Variants in LPIN1 observed in about 807,000 individuals in gnomAD.
LPIN1 encodes phosphatidate phosphatase LPIN1.
Under a neutral mutation model 107.5 loss-of-function variants are expected in LPIN1, and 71 were observed. The ratio of observed to expected loss-of-function variants is 0.66; its 90% CI spans 0.55 to 0.80. The LOEUF is 0.80. Among genes scored for constraint, LPIN1 ranks in the 30% least tolerant of loss-of-function variants. The pLI, the probability that LPIN1 is intolerant of heterozygous loss-of-function variation, is 0.00. For missense variants in LPIN1, 1,043 were observed against 1,160.6 expected, an observed-to-expected ratio of 0.90 and a Z score of 1.47; for synonymous variants, 445 against 452.6, an observed-to-expected ratio of 0.98 and a Z score of 0.21.
rs1420909432 is a variant in LPIN1 at position 11,747,081 on chromosome 2, G to C, written c.-10+410G>C. On this transcript the variant is annotated intron_variant, in intron 1 of 20. Transcript: ENST00000674199. ...GCGCGATCATCCCCAGCTTTGCGCC[G>C]GGGACTGGGATGAGAGCCTTTCTTT... Among the ~76,000 whole-genome samples, 3 of 152,236 alleles carry C rather than the reference G, an allele frequency of 2.0e-5. No homozygotes were observed. In the East Asian group the frequency reaches 5.8e-4, roughly 29 times the overall value.
At chr2:11,693,846 T>C (rs1171539866) in intron 1 of LPIN1, among the ~76,000 whole-genome samples, 1 of 111,284 alleles carries the variant, frequency 9.0e-6, no homozygotes, top group Non-Finnish European at 1.8e-5. Context: ...TTTTTTTTTT[T>C]TTTTTTGAGA....
At chr2:11,725,449 C>T (rs529716533) in intron 1 of LPIN1, among the ~76,000 whole-genome samples, 235 of 152,298 alleles carry the variant, frequency 1.5e-3, no homozygotes, top group Non-Finnish European at 2.5e-3. Context: ...GGTACCGGAA[C>T]TTCAATTCCT....
intron 14 of LPIN1, among the ~76,000 whole-genome samples, chr2:11,801,369 G>C (rs553668328): frequency 6.6e-6 from 1 of 152,160 alleles, no homozygotes; most frequent in Admixed American, 6.5e-5. Context: ...GTCCATCAAT[G>C]GATAAATGAA....
At chr2:11,772,715 T>C (rs1440865495) in intron 4 of LPIN1, among the ~76,000 whole-genome samples, 8 of 152,336 alleles carry the variant, frequency 5.3e-5, no homozygotes, top group Admixed American at 4.6e-4. Flanking sequence ...TGGTGAAAAA[T>C]GCCAGTTTTA....
At chr2:11,690,950 T>C (rs952189572) in intron 1 of LPIN1, among the ~76,000 whole-genome samples, 4 of 152,314 alleles carry the variant, frequency 2.6e-5, no homozygotes, top group Non-Finnish European at 4.4e-5. Context: ...AATAACCTGA[T>C]AATGACTGTT....
intron 2 of LPIN1, among the ~76,000 whole-genome samples, chr2:11,714,497 G>A (rs943152554): frequency 1.3e-5 from 2 of 152,068 alleles, no homozygotes; most frequent in Admixed American, 6.6e-5. Flanking sequence ...ACCCTCCCTC[G>A]CCCCACTCCC....
At chr2:11,724,832 C>G (rs530284150) in intron 1 of LPIN1, among the ~76,000 whole-genome samples, 2 of 152,300 alleles carry the variant, frequency 1.3e-5, no homozygotes, top group South Asian at 2.1e-4. Flanking sequence ...TCGCTCTGGG[C>G]TTTTAGACAG....
rs758329956 is a variant in LPIN1 at position 11,782,384 on chromosome 2, G to T, written c.1141G>T (p.Glu381Ter). The change falls in exon 8 of 21, where the codon GAA (glutamate) becomes TAA (stop). Residue 381 changes from glutamate to a stop codon, truncating the protein, a stop_gained. Transcript: ENST00000674199. LOFTEE classifies it high-confidence loss of function. ...KPQTEMQFVN[E>*]EDLETLGAAA... ...TCAGACAGAAATGCAGTTTGTGAAT[G>T]AAGAAGACCTGGAGACCTTAGGAGC... is the stretch of plus-strand genomic sequence containing the variant. 1.2e-6 allele frequency: 2 copies of T among 1,614,184 alleles called. No homozygotes were observed. The highest frequency in any genetic ancestry group is 1.7e-6 in the Non-Finnish European group (2 of 1,180,036).
At chr2:11,721,827 G>A (rs192566676), upstream of LPIN1, 2 of 152,590 alleles carry the variant, frequency 1.3e-5, no homozygotes. Flanking sequence ...CAAATGTGGA[G>A]AGGATTCTCT....
At chr2:11,744,144 C>T (rs901329452), upstream of LPIN1, among the ~76,000 whole-genome samples, 2 of 152,200 alleles carry the variant, frequency 1.3e-5, no homozygotes, top group Non-Finnish European at 2.9e-5. Context: ...TTACTCAGCC[C>T]CTCCTTCCTC....
intron 1 of LPIN1, chr2:11,763,067 GA>G (rs946522977): frequency 2.0e-5 from 3 of 152,256 alleles, no homozygotes; most frequent in Admixed American, 2.0e-4. Context: ...ACCATCAGGT[GA>G]ATAAACGGGA....
intron 18 of LPIN1, among the ~76,000 whole-genome samples, chr2:11,815,478 G>A (rs537635567): frequency 1.5e-4 from 23 of 152,100 alleles, no homozygotes; most frequent in Non-Finnish European, 2.9e-4. Context: ...CATGGCCTGC[G>A]CCTCCCCTCC....
chr2:11,821,429 A>G (rs1332439994), intron 20 of LPIN1, among the ~76,000 whole-genome samples: 1 of 152,160 alleles, frequency 6.6e-6, no homozygotes, highest in Non-Finnish European at 1.5e-5. Context: ...AGACAGGAGA[A>G]TCACTTGAAC....
intron 1 of LPIN1, among the ~76,000 whole-genome samples, chr2:11,696,570 C>T (rs903544912): frequency 3.9e-5 from 6 of 152,094 alleles, no homozygotes; most frequent in African/African-American, 7.2e-5. Flanking sequence ...AATTGGGTCC[C>T]GGTCAGAAGT....
chr2:11,772,039 G>T (rs1671930254), intron 4 of LPIN1, among the ~76,000 whole-genome samples: 1 of 152,206 alleles, frequency 6.6e-6, no homozygotes, highest in African/African-American at 2.4e-5. Context: ...ATGGGTGACA[G>T]ATCATCAGGC....
intron 1 of LPIN1, among the ~76,000 whole-genome samples, chr2:11,759,812 G>A (rs1436100426): frequency 1.1e-5 from 1 of 88,090 alleles, no homozygotes; most frequent in Admixed American, 1.3e-4. Flanking sequence ...CCGGGCGGGG[G>A]CTGACCCCCC....
intron 1 of LPIN1, among the ~76,000 whole-genome samples, chr2:11,693,203 ATTT>A (rs34503437): frequency 7.4e-6 from 1 of 135,202 alleles, no homozygotes; most frequent in Non-Finnish European, 1.6e-5. Context: ...CCTGAACAAC[ATTT>A]TTTTTTTTTT....
At chr2:11,798,599 C>T (rs1488803093) in intron 14 of LPIN1, among the ~76,000 whole-genome samples, 3 of 152,114 alleles carry the variant, frequency 2.0e-5, no homozygotes, top group South Asian at 2.1e-4. Context: ...CTGGACCATT[C>T]GCCATTCTGA....
chr2:11,700,871 A>G (rs1036041796), intron 1 of LPIN1, among the ~76,000 whole-genome samples: 1 of 152,178 alleles, frequency 6.6e-6, no homozygotes, highest in Non-Finnish European at 1.5e-5. Flanking sequence ...GAGCCACTCC[A>G]TATGCCTAGG....
Sources: gnomAD v4.1 joint callset for allele counts (sites outside exome capture counted in the v4.1 genomes callset) on GRCh38, gnomAD v4.1.1 for gene constraint, MANE v1.5 for transcripts, NCBI Gene and HGNC (gene_info 2026-07-23, HGNC 2026-07-21) for gene names.